The following TBC1D4 variants were observed in gnomAD, a reference collection of about 807,000 sequenced individuals.
The protein encoded by TBC1D4 is TBC (Tre-2, BUB2, CDC16) domain-containing protein.
TBC1D4 carries 121 observed loss-of-function variants against 142.5 expected under a neutral mutation model. That is an observed-to-expected ratio of 0.85 (90% CI 0.73 to 0.99). TBC1D4 has a LOEUF of 0.99. Among genes scored for constraint, TBC1D4 ranks in the 50% least tolerant of loss-of-function variants. The pLI is 0.00. For missense variants in TBC1D4, 1,475 were observed against 1,606.6 expected (o/e 0.92, Z 1.40); for synonymous variants, 630 against 628.2 (o/e 1.00, Z -0.04).
At chr13:75,301,736 T>C (rs1203508989) in intron 16 of TBC1D4, among the ~76,000 whole-genome samples, 2 of 152,194 alleles carry the variant, frequency 1.3e-5, no homozygotes, top group African/African-American at 4.8e-5. Context: ...GTGCAACTAA[T>C]GTTTCACTCA....
chr13:75,478,061 C>T (rs1170567635), intron 1 of TBC1D4, among the ~76,000 whole-genome samples: 1 of 152,166 alleles, frequency 6.6e-6, no homozygotes, highest in African/African-American at 2.4e-5. Flanking sequence ...CAAGAGGGAA[C>T]ACATCACTGT....
At chr13:75,306,584 G>A (rs1877211483) in intron 14 of TBC1D4, 113 bp from the exon 15 acceptor site, 1 of 1,270,362 alleles carries the variant, frequency 7.9e-7, no homozygotes, top group Non-Finnish European at 1.1e-6. Context: ...TCAACTGGTA[G>A]TGTATCTCAA....
chr13:75,393,693 A>G (rs1884613318), intron 1 of TBC1D4, among the ~76,000 whole-genome samples: 1 of 152,198 alleles, frequency 6.6e-6, no homozygotes, highest in African/African-American at 2.4e-5. Context: ...GCACTTTGGG[A>G]GGCCAAGGTG....
At chr13:75,416,693 A>C (rs1296060249) in intron 1 of TBC1D4, among the ~76,000 whole-genome samples, 1 of 152,230 alleles carries the variant, frequency 6.6e-6, no homozygotes, top group African/African-American at 2.4e-5. Context: ...CACCGTGGTT[A>C]GGTGCCAGGT....
At position 75,299,583 on chromosome 13, in the gene TBC1D4, G is replaced by C. The variant is rs1876308653; in HGVS notation, c.2912-9C>G. Reference sequence around the variant, plus strand: ...AGTAGGAAACGTCCTTCCTGCAGAGGAAAAGAAGGAAAATATTTTTTGAAA... The same window carrying C: ...AGTAGGAAACGTCCTTCCTGCAGAGCAAAAGAAGGAAAATATTTTTTGAAA... On this transcript the variant is annotated splice_polypyrimidine_tract_variant and intron_variant, in intron 16 of 20. Transcript: ENST00000377636. 1 of 1,613,712 alleles carries C rather than the reference G, an allele frequency of 6.2e-7. No homozygotes were observed. Among genetic ancestry groups the C allele is most frequent in the South Asian group, 1.1e-5 (1 of 91,046 alleles).
At chr13:75,310,262 G>C in intron 13 of TBC1D4, 111 bp from the exon 14 acceptor site, 1 of 1,121,262 alleles carries the variant, frequency 8.9e-7, no homozygotes. Context: ...ATGTCACAAA[G>C]CCGCTTTCCC....
intron 12 of TBC1D4, among the ~76,000 whole-genome samples, chr13:75,314,080 T>C (rs1878046642): frequency 6.6e-6 from 1 of 152,224 alleles, no homozygotes. Flanking sequence ...CTTTGAGTTA[T>C]GCTAGGCCTA....
chr13:75,312,843 C>A lies in TBC1D4; in HGVS notation c.2278G>T (p.Val760Leu). Residue 760 changes from valine (V) to leucine (L), a missense_variant, in exon 13 of 21, where the codon GTG (valine) becomes TTG (leucine). Val to Leu is a conservative substitution (Grantham distance 32). Transcript: ENST00000377636. ...CGAGGAGTGACAGAGGTTCCTCCCA[C>A]ACTTAGGGACTCATTGCTGCAGGTA... ...SSTCSNESLS[V>L]GGTSVTPRRI... 1 of 1,614,198 alleles carries A rather than the reference C, an allele frequency of 6.2e-7. No individual in the cohort carries two copies. Among genetic ancestry groups the A allele is most frequent in the Non-Finnish European group, 8.5e-7 (1 of 1,180,022 alleles).
At chr13:75,320,263 A>T (rs1054692131) in intron 11 of TBC1D4, among the ~76,000 whole-genome samples, 2 of 152,148 alleles carry the variant, frequency 1.3e-5, no homozygotes, top group Non-Finnish European at 2.9e-5. Context: ...TTATTTTCTC[A>T]TTGAAAAGTT....
chr13:75,409,524 A>T (rs2138387792), intron 1 of TBC1D4, among the ~76,000 whole-genome samples: 1 of 152,304 alleles, frequency 6.6e-6, no homozygotes, highest in African/African-American at 2.4e-5. Flanking sequence ...CCCCCTCTTC[A>T]AAATACCCTG....
intron 1 of TBC1D4, among the ~76,000 whole-genome samples, chr13:75,424,019 C>G (rs1250073389): frequency 2.6e-5 from 4 of 152,130 alleles, no homozygotes; most frequent in Admixed American, 1.3e-4. Flanking sequence ...ACGCTCATGC[C>G]TATCATCCCA....
intron 1 of TBC1D4, among the ~76,000 whole-genome samples, chr13:75,374,139 C>G (rs1454227122): frequency 1.3e-5 from 2 of 152,108 alleles, no homozygotes; most frequent in Non-Finnish European, 2.9e-5. Flanking sequence ...CACCTGGAAG[C>G]AGGAGCTGTG....
chr13:75,390,145 C>T (rs577707684), intron 1 of TBC1D4, among the ~76,000 whole-genome samples: 6 of 151,396 alleles, frequency 4.0e-5, no homozygotes, highest in African/African-American at 1.2e-4. Context: ...CTGGGCCTGG[C>T]GGCGGGCGCC....
chr13:75,467,218 A>C (rs1888204919), intron 1 of TBC1D4, among the ~76,000 whole-genome samples: 1 of 152,202 alleles, frequency 6.6e-6, no homozygotes, highest in Non-Finnish European at 1.5e-5. Context: ...AACAAAAGAA[A>C]ACAGCCTTTG....
At chr13:75,449,927 C>A (rs2138235509) in intron 1 of TBC1D4, among the ~76,000 whole-genome samples, 1 of 152,160 alleles carries the variant, frequency 6.6e-6, no homozygotes, top group Middle Eastern at 3.4e-3. Flanking sequence ...ATTCTGTAGT[C>A]ATTTAGGAGT....
At chr13:75,315,903 C>T (rs1274056756) in intron 12 of TBC1D4, among the ~76,000 whole-genome samples, 1 of 152,036 alleles carries the variant, frequency 6.6e-6, no homozygotes, top group African/African-American at 2.4e-5. Context: ...TAATAAACAA[C>T]AAAAAGCATA....
chr13:75,328,373 C>T (rs1879452634), intron 8 of TBC1D4, among the ~76,000 whole-genome samples: 2 of 152,154 alleles, frequency 1.3e-5, no homozygotes, highest in Admixed American at 1.3e-4. Flanking sequence ...GACTAGATAT[C>T]AGTCTGCTTC....
intron 1 of TBC1D4, among the ~76,000 whole-genome samples, chr13:75,432,016 G>C (rs183886980): frequency 6.6e-6 from 1 of 152,198 alleles, no homozygotes; most frequent in East Asian, 1.9e-4. Context: ...CAACTGGAGT[G>C]AGAAAGTGGA....
At chr13:75,360,976 T>G (rs971333384) in intron 2 of TBC1D4, among the ~76,000 whole-genome samples, 4 of 152,150 alleles carry the variant, frequency 2.6e-5, no homozygotes, top group Non-Finnish European at 4.4e-5. Context: ...AAAATAGGTT[T>G]AAAAAAGACA....
Sources: gnomAD v4.1 joint callset for allele counts (sites outside exome capture counted in the v4.1 genomes callset) on GRCh38, gnomAD v4.1.1 for gene constraint, MANE v1.5 for transcripts, NCBI Gene and HGNC (gene_info 2026-07-23, HGNC 2026-07-21) for gene names.